Variants in ACSF2 observed in about 807,000 individuals in gnomAD.
ACSF2 encodes the protein acyl-CoA synthetase family member 2.
Under a neutral mutation model 79.3 loss-of-function variants are expected in ACSF2, and 52 were observed. The ratio of observed to expected loss-of-function variants is 0.66; its 90% CI spans 0.53 to 0.83. The LOEUF is 0.83. Among genes scored for constraint, ACSF2 ranks in the 40% least tolerant of loss-of-function variants. The probability of loss-of-function intolerance (pLI) is 0.00; values close to 1 mark genes in which losing one functional copy is unlikely to be tolerated. For synonymous variants in ACSF2, 283 were observed against 312.6 expected, an observed-to-expected ratio of 0.91 and a Z score of 1.00; for missense variants, 661 against 803.3, an observed-to-expected ratio of 0.82 and a Z score of 2.14.
chr17:50,448,958 A>G (rs567639486), intron 1 of ACSF2, among the ~76,000 whole-genome samples: 1 of 148,608 alleles, frequency 6.7e-6, no homozygotes, highest in Non-Finnish European at 1.5e-5. Context: ...TTCACAAACT[A>G]TGTATGTATT....
chr17:50,433,665 A>C (rs1481528916), intron 1 of ACSF2, among the ~76,000 whole-genome samples: 2 of 151,946 alleles, frequency 1.3e-5, no homozygotes, highest in Admixed American at 6.6e-5. Context: ...GTCACCTGGG[A>C]TGGAGTGCAG....
At chr17:50,431,221 C>T (rs2029897725) in intron 1 of ACSF2, among the ~76,000 whole-genome samples, 1 of 152,198 alleles carries the variant, frequency 6.6e-6, no homozygotes, top group Non-Finnish European at 1.5e-5. Context: ...TTTAGTTACC[C>T]TCCTCTGCTT....
At chr17:50,451,018 G>A (rs552816657) in intron 1 of ACSF2, among the ~76,000 whole-genome samples, 5 of 152,166 alleles carry the variant, frequency 3.3e-5, no homozygotes, top group African/African-American at 9.6e-5. Flanking sequence ...CTGTAGCCTC[G>A]ACCTCTCAGG....
chr17:50,449,661 G>A (rs1203207106), intron 1 of ACSF2, among the ~76,000 whole-genome samples: 3 of 145,226 alleles, frequency 2.1e-5, no homozygotes, highest in Non-Finnish European at 4.6e-5. Flanking sequence ...TGATCCACCC[G>A]CCTCGGCCTC....
In ACSF2 at chr17:50,473,648, C is replaced by T; in HGVS notation, c.1476-17C>T. The T allele has an allele frequency of 6.2e-7, 1 of 1,614,146 alleles. No homozygotes were observed. Among genetic ancestry groups the T allele is most frequent in the African/African-American group, 1.3e-5 (1 of 75,050 alleles). ...ACAAGGCAGAGATGACAGGTTGCCC[C>T]TGGGCTTTCCTTACAGAGATGTCGC... On this transcript the variant is annotated splice_polypyrimidine_tract_variant and intron_variant, in intron 12 of 15. Coordinates refer to ENST00000300441, the MANE Select transcript of ACSF2 (RefSeq NM_025149.6).
chr17:50,474,562 C>T lies in ACSF2; in HGVS notation c.*10C>T, dbSNP rs141756545. 1.9e-6 allele frequency: 3 copies of T among 1,613,976 alleles called. No individual in the cohort carries two copies. Among genetic ancestry groups the T allele is most frequent in the Middle Eastern group, 1.6e-4 (1 of 6,062 alleles). ...ACATCTAAATCTGTGAATAAAGCAG[C>T]AGGCCTGTCCTGGCCGGTTGGCTTG... On this transcript the variant is annotated 3_prime_UTR_variant, in exon 16 of 16. Transcript: ENST00000300441. The surrounding 1 kb of genome is among the most constrained non-coding windows in gnomAD (Gnocchi z 4.2).
rs756525812 is a variant in ACSF2 at position 50,474,153 on chromosome 17, G to A, written c.1729-46G>A. On this transcript the variant is annotated intron_variant, in intron 14 of 15. Coordinates refer to ENST00000300441, the MANE Select transcript of ACSF2 (RefSeq NM_025149.6). This position sits in a 1 kb window ranked among gnomAD's most constrained non-coding sequence, Gnocchi z 4.2. ...CCTGGTCCCCTACCCATACCCCTGTGAGCTTGCGCAGCCTCACGCCTTACC... is the reference window on the plus strand; with the variant it reads ...CCTGGTCCCCTACCCATACCCCTGTAAGCTTGCGCAGCCTCACGCCTTACC... 2.5e-6 allele frequency: 4 copies of A among 1,611,772 alleles called. No individual in the cohort carries two copies. Among genetic ancestry groups the A allele is most frequent in the Non-Finnish European group, 3.4e-6 (4 of 1,177,834 alleles).
intron 12 of ACSF2, 146 bp from the exon 13 acceptor site, chr17:50,473,517 CAG>C: frequency 9.1e-7 from 1 of 1,104,898 alleles, no homozygotes. Flanking sequence ...CTATTAATTC[CAG>C]AGACTGTGTC....
chr17:50,465,837 G>A (rs1450933842), intron 10 of ACSF2: 3 of 1,613,798 alleles, frequency 1.9e-6, no homozygotes, highest in Non-Finnish European at 2.5e-6. Flanking sequence ...ACGTGTTTCA[G>A]CGTGGTTACA....
chr17:50,468,378 G>A, intron 10 of ACSF2: 1 of 1,614,218 alleles, frequency 6.2e-7, no homozygotes, highest in Non-Finnish European at 8.5e-7. Flanking sequence ...AGGTTGACCA[G>A]CGGGGAGAGC....
intron 12 of ACSF2, 118 bp from the exon 13 acceptor site, chr17:50,473,547 C>G (rs1312376340): frequency 1.4e-6 from 2 of 1,410,268 alleles, no homozygotes; most frequent in Non-Finnish European, 2.0e-6. Context: ...TGCTATGTCT[C>G]CCAGAGTCTA....
intron 1 of ACSF2, among the ~76,000 whole-genome samples, chr17:50,441,470 TGGC>T (rs1197279958): frequency 3.3e-5 from 5 of 152,246 alleles, no homozygotes; most frequent in African/African-American, 1.2e-4. Flanking sequence ...CCACCATGCC[TGGC>T]CTGGCGGTCC....
At chr17:50,453,761 TTGTG>T (rs147831399) in intron 1 of ACSF2, among the ~76,000 whole-genome samples, 3 of 150,406 alleles carry the variant, frequency 2.0e-5, no homozygotes, top group East Asian at 1.9e-4. Flanking sequence ...TGTTTTGGGT[TTGTG>T]TGTGTGTGTG....
At chr17:50,468,038 A>C in intron 10 of ACSF2, 1 of 1,577,982 alleles carries the variant, frequency 6.3e-7, no homozygotes, top group Non-Finnish European at 8.6e-7. Flanking sequence ...CCAGGAGCTC[A>C]CCTTCTCCAG....
chr17:50,472,212 C>T lies in ACSF2; in HGVS notation c.1324-216C>T, dbSNP rs140564101. ...TCAGCCCTCCCAGCCTGGGACTCAG[C>T]TCTTCTTTCATGCCCAGCTCAGGTC... On this transcript the variant is annotated intron_variant, in intron 11 of 15. Transcript: ENST00000300441. 901 of 537,176 alleles carry T rather than the reference C, an allele frequency of 1.7e-3. 7 individuals are homozygous for T. In the African/African-American group the frequency reaches 0.017, roughly 10 times the overall value. The allele number at this position is 537,176 out of a possible 1,614,324, so 33.3% of individuals were successfully genotyped here. A position where few individuals can be genotyped will look rare whatever the true frequency, so the allele number is the denominator to read the frequency against.
chr17:50,440,924 G>T (rs981203322), intron 1 of ACSF2, among the ~76,000 whole-genome samples: 1 of 152,260 alleles, frequency 6.6e-6, no homozygotes, highest in Admixed American at 6.5e-5. Flanking sequence ...AGATGGAAAA[G>T]TCAGTGTGTG....
At chr17:50,465,510 G>T in intron 10 of ACSF2, 1 of 1,576,608 alleles carries the variant, frequency 6.3e-7, no homozygotes. Context: ...AGTGAACTAT[G>T]GGGCCAGGAT....
chr17:50,440,203 C>CCTCA (rs2030787032), intron 1 of ACSF2, among the ~76,000 whole-genome samples: 2 of 151,380 alleles, frequency 1.3e-5, no homozygotes, highest in Admixed American at 6.6e-5. Flanking sequence ...ATTTTGAAAG[C>CCTCA]CTCACTGGTG....
At chr17:50,459,813 G>GC (rs2032225841) in intron 1 of ACSF2, among the ~76,000 whole-genome samples, 1 of 152,078 alleles carries the variant, frequency 6.6e-6, no homozygotes, top group Non-Finnish European at 1.5e-5. Flanking sequence ...AAGAGTCCCG[G>GC]CCCCAGACTA....
Sources: gnomAD v4.1 joint callset for allele counts (sites outside exome capture counted in the v4.1 genomes callset) on GRCh38, gnomAD v4.1.1 for gene constraint, Gnocchi (gnomAD v3.1) non-coding constraint, MANE v1.5 for transcripts, NCBI Gene and HGNC (gene_info 2026-07-23, HGNC 2026-07-21) for gene names.